ZC3H11A: variants seen among roughly 807,000 people sequenced by gnomAD.
The protein encoded by ZC3H11A is zinc finger CCCH-type containing 11A.
Under a neutral mutation model 90.8 loss-of-function variants are expected in ZC3H11A, and 22 were observed. The ratio of observed to expected loss-of-function variants is 0.24; its 90% CI spans 0.17 to 0.35. The LOEUF is 0.35. ZC3H11A is among the 10% of genes least tolerant of loss of function. ZC3H11A has a pLI of 1.00. For synonymous variants in ZC3H11A, 294 were observed against 339.8 expected (o/e 0.87, Z 1.48); for missense variants, 701 against 964.9 (o/e 0.73, Z 3.62).
chr1:203,818,299 G>GA (rs1310708028), intron 3 of ZC3H11A, among the ~76,000 whole-genome samples: 17 of 149,660 alleles, frequency 1.1e-4, no homozygotes, highest in Non-Finnish European at 2.4e-4. Context: ...TTTTAAAGAG[G>GA]ACCTAACACT....
At chr1:203,809,809 C>T (rs1212174652) in intron 2 of ZC3H11A, among the ~76,000 whole-genome samples, 1 of 151,976 alleles carries the variant, frequency 6.6e-6, no homozygotes, top group South Asian at 2.1e-4. Flanking sequence ...CAAAAATTAG[C>T]CAGGCATGGT....
chr1:203,798,669 A>C, intron 1 of ZC3H11A: 11 of 1,536,152 alleles, frequency 7.2e-6, no homozygotes, highest in Non-Finnish European at 9.6e-6. Context: ...TGAAAGTCCT[A>C]TTCCCGTTGC....
At chr1:203,842,406 G>T (rs550268237) in intron 12 of ZC3H11A, among the ~76,000 whole-genome samples, 112 of 152,244 alleles carry the variant, frequency 7.4e-4, no homozygotes, top group Middle Eastern at 3.4e-3. Context: ...AGACCAGCCC[G>T]GCCAACACGG....
At chr1:203,796,978 A>T (rs1668740532) in intron 1 of ZC3H11A, 1 of 153,210 alleles carries the variant, frequency 6.5e-6, no homozygotes, top group South Asian at 2.1e-4. Flanking sequence ...TGTATTGGCA[A>T]ATCACAGTCC....
chr1:203,796,131 G>T (rs1042354508), intron 1 of ZC3H11A: 3 of 233,344 alleles, frequency 1.3e-5, no homozygotes, highest in Non-Finnish European at 2.5e-5. Flanking sequence ...GGAGCCCGGA[G>T]CAGCCCCGAA....
intron 5 of ZC3H11A, among the ~76,000 whole-genome samples, chr1:203,828,943 G>A (rs16852378): frequency 0.13 from 19,919 of 152,034 alleles, 1,483 homozygotes; most frequent in Non-Finnish European, 0.15. Context: ...AAAAGCTAGT[G>A]GTTATTCCCA....
intron 10 of ZC3H11A, among the ~76,000 whole-genome samples, chr1:203,834,444 G>A (rs911617218): frequency 2.0e-5 from 3 of 151,702 alleles, no homozygotes; most frequent in Non-Finnish European, 4.4e-5. Context: ...GCTAATTTTT[G>A]TATTTTTTAT....
intron 11 of ZC3H11A, among the ~76,000 whole-genome samples, chr1:203,839,996 G>A (rs1295186127): frequency 6.6e-6 from 1 of 151,964 alleles, no homozygotes; most frequent in Non-Finnish European, 1.5e-5. Context: ...TAGAGATGGG[G>A]TTTCACCATG....
chr1:203,827,742 A>G (rs1018331639), intron 4 of ZC3H11A, among the ~76,000 whole-genome samples: 2 of 152,034 alleles, frequency 1.3e-5, no homozygotes, highest in Admixed American at 6.6e-5. Flanking sequence ...GTGTGTTGTT[A>G]TAGGTGCCTT....
At chr1:203,833,137 A>C (rs1682949839) in intron 9 of ZC3H11A, among the ~76,000 whole-genome samples, 1 of 152,282 alleles carries the variant, frequency 6.6e-6, no homozygotes, top group Non-Finnish European at 1.5e-5. Flanking sequence ...TGGGAGGCCG[A>C]GGCGGGCAGA....
intron 2 of ZC3H11A, among the ~76,000 whole-genome samples, chr1:203,807,969 T>C (rs1672952235): frequency 6.6e-6 from 1 of 152,110 alleles, no homozygotes; most frequent in South Asian, 2.1e-4. Flanking sequence ...CTTGAACTCC[T>C]GGGTTCAAGC....
chr1:203,831,536 T>C, intron 8 of ZC3H11A, 125 bp from the exon 9 acceptor site: 2 of 718,260 alleles, frequency 2.8e-6, no homozygotes, highest in Non-Finnish European at 4.7e-6. Context: ...ACAGAAAGGC[T>C]GATTGGCTTA....
At chr1:203,819,075 A>T (rs569362891) in intron 4 of ZC3H11A, among the ~76,000 whole-genome samples, 42,642 of 92,214 alleles carry the variant, frequency 0.46, 6,772 homozygotes, top group Non-Finnish European at 0.56. Flanking sequence ...CTCAAAAAAA[A>T]AAATATATAT....
chr1:203,835,150 G>A (rs1683865170), intron 10 of ZC3H11A, among the ~76,000 whole-genome samples: 2 of 152,190 alleles, frequency 1.3e-5, no homozygotes, highest in African/African-American at 4.8e-5. Flanking sequence ...AATCAGTTAT[G>A]CACTTTACGC....
At chr1:203,837,672 C>A (rs922327350) in intron 10 of ZC3H11A, among the ~76,000 whole-genome samples, 1 of 152,010 alleles carries the variant, frequency 6.6e-6, no homozygotes, top group Non-Finnish European at 1.5e-5. Context: ...GAGACAAGGT[C>A]TTGCTGTGTT....
At chr1:203,836,331 A>G (rs983364560) in intron 10 of ZC3H11A, among the ~76,000 whole-genome samples, 2 of 152,214 alleles carry the variant, frequency 1.3e-5, no homozygotes, top group African/African-American at 4.8e-5. Flanking sequence ...GAGAGAAACA[A>G]TCATACTCTG....
Position 203,799,991 on chromosome 1 carries a change from A to G in ZC3H11A, c.-1587-1584A>G, listed in dbSNP as rs751814761. The stretch of plus-strand genomic sequence containing the variant: ...CAGAAGCTTCTTGTCCCTCAGTTAC[A>G]GTGGGAGCTGATTCATTTACCTCAT... On this transcript the variant is annotated intron_variant, in intron 1 of 17. Transcript: ENST00000367210. The G allele has an allele frequency of 2.4e-5, 37 of 1,536,134 alleles. No homozygotes were observed. The South Asian group carries it at 2.7e-4, about 11-fold the overall frequency.
chr1:203,807,271 T>C (rs1387372384), intron 2 of ZC3H11A, among the ~76,000 whole-genome samples: 2 of 152,210 alleles, frequency 1.3e-5, no homozygotes, highest in Non-Finnish European at 2.9e-5. Context: ...GCAGCTGTTT[T>C]AAACATTTTT....
intron 4 of ZC3H11A, among the ~76,000 whole-genome samples, chr1:203,820,969 T>TC (rs1255210237): frequency 1.1e-4 from 17 of 152,128 alleles, no homozygotes; most frequent in African/African-American, 4.1e-4. Context: ...TCATCAGACT[T>TC]CAACTTTTTC....
Sources: allele counts gnomAD v4.1 joint callset (sites outside exome capture counted in the v4.1 genomes callset), GRCh38; gene constraint gnomAD v4.1.1; transcripts MANE v1.5; gene names NCBI Gene and HGNC (gene_info 2026-07-23, HGNC 2026-07-21).